VPS53: variants seen among roughly 807,000 people sequenced by gnomAD.
VPS53 encodes the protein VPS53 subunit of GARP complex, also known as vacuolar protein sorting-associated protein 53 homolog.
Under a neutral mutation model 107.0 loss-of-function variants are expected in VPS53, and 70 were observed. That is an observed-to-expected ratio of 0.65 (90% CI 0.54 to 0.80). The LOEUF is 0.80. VPS53 is among the 30% of genes least tolerant of loss of function. The probability of loss-of-function intolerance (pLI) is 0.00; values close to 1 mark genes in which losing one functional copy is unlikely to be tolerated. For synonymous variants in VPS53, 409 were observed against 393.3 expected (o/e 1.04, Z -0.47); for missense variants, 917 against 1,049.4 (o/e 0.87, Z 1.74).
rs552242486 is a variant in VPS53, at chr17:664,396, A to C, written c.286-2501T>G. Among the ~76,000 whole-genome samples the C allele has an allele frequency of 2.0e-5, 3 of 152,236 alleles. No homozygotes were observed. In the South Asian group the frequency reaches 6.2e-4, roughly 32 times the overall value. ...CCCAGCCTGGAGTAAGAGGATTTTC[A>C]GCAGAGAGAAAAGCAAATGTGAAGA... On this transcript the variant is annotated intron_variant, in intron 4 of 21. Coordinates refer to ENST00000437048, the MANE Select transcript of VPS53 (RefSeq NM_001128159.3).
chr17:548,686 G>A, intron 17 of VPS53, among the ~76,000 whole-genome samples: 1 of 152,242 alleles, frequency 6.6e-6, no homozygotes, highest in East Asian at 1.9e-4. Context: ...TCCCAGCAGG[G>A]TATAGACTCC....
At chr17:619,396 C>T (rs1268270366) in intron 11 of VPS53, among the ~76,000 whole-genome samples, 5 of 143,950 alleles carry the variant, frequency 3.5e-5, no homozygotes, top group African/African-American at 1.3e-4. Flanking sequence ...TAATATTTCC[C>T]GGGTAGCTGG....
At chr17:570,289 G>C (rs1439602150) in intron 13 of VPS53, among the ~76,000 whole-genome samples, 3 of 145,586 alleles carry the variant, frequency 2.1e-5, no homozygotes, top group African/African-American at 7.6e-5. Context: ...AGAATTGCTT[G>C]AGCCCAGGAG....
At chr17:569,024 C>A (rs532960566) in intron 13 of VPS53, among the ~76,000 whole-genome samples, 1 of 152,298 alleles carries the variant, frequency 6.6e-6, no homozygotes, top group African/African-American at 2.4e-5. Flanking sequence ...TACTTGGTTT[C>A]TAAATGTCAT....
intron 4 of VPS53, among the ~76,000 whole-genome samples, chr17:682,622 C>T (rs1972441162): frequency 6.6e-6 from 1 of 152,180 alleles, no homozygotes. Context: ...TGGGTTTGCA[C>T]CCACTCTCAG....
chr17:700,391 A>G (rs1973152621), intron 2 of VPS53, among the ~76,000 whole-genome samples: 2 of 151,668 alleles, frequency 1.3e-5, no homozygotes, highest in Admixed American at 6.6e-5. Flanking sequence ...AAAAATACAA[A>G]AAAAAAAAAA....
rs527861359 is a variant in VPS53 at position 671,502 on chromosome 17, C to T, written c.286-9607G>A. Reference sequence around the variant, plus strand: ...TGATTTCTGTCAAGCCTCTTATCCTCTAGGAAGTAGTTTCATAATTTCCAG... The same window carrying T: ...TGATTTCTGTCAAGCCTCTTATCCTTTAGGAAGTAGTTTCATAATTTCCAG... On this transcript the variant is annotated intron_variant, in intron 4 of 21. Transcript: ENST00000437048. Among the ~76,000 whole-genome samples the T allele has an allele frequency of 2.0e-5, 3 of 152,212 alleles. No individual in the cohort carries two copies. In the South Asian group the frequency reaches 6.2e-4, roughly 32 times the overall value.
At chr17:633,163 C>T (rs376037554) in intron 7 of VPS53, among the ~76,000 whole-genome samples, 5 of 152,194 alleles carry the variant, frequency 3.3e-5, no homozygotes, top group African/African-American at 1.2e-4. Context: ...TCATACCCCA[C>T]GATCAATCAC....
intron 4 of VPS53, among the ~76,000 whole-genome samples, chr17:688,440 AC>A (rs1377496896): frequency 6.6e-6 from 1 of 152,060 alleles, no homozygotes; most frequent in African/African-American, 2.4e-5. Flanking sequence ...TTTATAAATT[AC>A]CCCGTCTAAG....
At chr17:628,722 T>C (rs962263437) in intron 8 of VPS53, among the ~76,000 whole-genome samples, 1 of 152,182 alleles carries the variant, frequency 6.6e-6, no homozygotes, top group African/African-American at 2.4e-5. Context: ...TGCCAAATAG[T>C]GTGGTCTCCC....
At chr17:589,857 T>C (rs1967545886) in intron 12 of VPS53, among the ~76,000 whole-genome samples, 1 of 152,082 alleles carries the variant, frequency 6.6e-6, no homozygotes, top group East Asian at 1.9e-4. Context: ...CTTGGCGATG[T>C]GGGCTCTTTT....
At chr17:554,440 G>A (rs1281532929) in intron 15 of VPS53, among the ~76,000 whole-genome samples, 2 of 152,054 alleles carry the variant, frequency 1.3e-5, no homozygotes, top group Non-Finnish European at 2.9e-5. Context: ...TTTCACTCTT[G>A]TTGCCCAGGC....
chr17:591,564 T>C (rs1188090614), intron 12 of VPS53, among the ~76,000 whole-genome samples: 1 of 152,308 alleles, frequency 6.6e-6, no homozygotes, highest in East Asian at 1.9e-4. Flanking sequence ...GTCCCAGAGA[T>C]TCTGGTATGT....
At chr17:713,278 C>T (rs1256992237) in intron 1 of VPS53, among the ~76,000 whole-genome samples, 1 of 152,104 alleles carries the variant, frequency 6.6e-6, no homozygotes, top group East Asian at 1.9e-4. Context: ...AAATCCCTTT[C>T]TTAAATCATA....
At chr17:532,711 G>A (rs1310958685) in intron 19 of VPS53, 131 bp downstream of exon 19, 10 of 1,472,212 alleles carry the variant, frequency 6.8e-6, no homozygotes, top group South Asian at 1.4e-5. Flanking sequence ...TTCCGGGTGA[G>A]TCATTATACT....
At chr17:639,050 A>G (rs916897309) in intron 7 of VPS53, among the ~76,000 whole-genome samples, 56 of 152,330 alleles carry the variant, frequency 3.7e-4, no homozygotes, top group African/African-American at 1.3e-3. Flanking sequence ...ACTTTCAGGT[A>G]CACCAATAAG....
chr17:609,996 G>C (rs1221911706), intron 11 of VPS53, among the ~76,000 whole-genome samples: 1 of 152,036 alleles, frequency 6.6e-6, no homozygotes, highest in East Asian at 1.9e-4. Context: ...GCCAGGCGTG[G>C]TGGCGGGCGC....
chr17:515,737 C>G lies in VPS53; in HGVS notation c.*3391G>C, dbSNP rs1908259717. 6.6e-6 allele frequency: 1 copy of G among 151,924 alleles called. No individual in the cohort carries two copies. The highest frequency in any genetic ancestry group is 2.1e-4 in the South Asian group (1 of 4,822). 9.4% of individuals were successfully genotyped at this position (151,924 alleles called of 1,614,324 possible). On this transcript the variant is annotated 3_prime_UTR_variant, in exon 22 of 22. Coordinates refer to ENST00000437048, the MANE Select transcript of VPS53 (RefSeq NM_001128159.3). Reference sequence around the variant, plus strand: ...TCTGCTTGGGGGTTGGTCATCAAAACAAGAAGAATCCTCATCAGTATGGAG... The same window carrying G: ...TCTGCTTGGGGGTTGGTCATCAAAAGAAGAAGAATCCTCATCAGTATGGAG...
At position 521,505 on chromosome 17, in the gene VPS53, C is replaced by T. The variant is rs954369608; in HGVS notation, c.2223+96G>A. ...AAGAATGTGGACCATGCTTTGAGGC[C>T]GGTGAGGATAGGACCTACCCTGTGC... On this transcript the variant is annotated intron_variant, in intron 20 of 21. Coordinates refer to ENST00000437048, the MANE Select transcript of VPS53 (RefSeq NM_001128159.3). The T allele has an allele frequency of 6.2e-5, 79 of 1,282,888 alleles. No individual in the cohort carries two copies. The African/African-American group carries it at 6.6e-4, about 11-fold the overall frequency. 79.5% of individuals were successfully genotyped at this position (1,282,888 alleles called of 1,614,324 possible).
Sources: gnomAD v4.1 joint callset for allele counts (sites outside exome capture counted in the v4.1 genomes callset) on GRCh38, gnomAD v4.1.1 for gene constraint, MANE v1.5 for transcripts, NCBI Gene and HGNC (gene_info 2026-07-23, HGNC 2026-07-21) for gene names.